Variants in DOCK2 observed in about 807,000 individuals in gnomAD.
DOCK2 encodes the protein dedicator of cytokinesis protein 2.
DOCK2 carries 87 observed loss-of-function variants against 248.9 expected under a neutral mutation model. That is an observed-to-expected ratio of 0.35 (90% CI 0.29 to 0.42). The LOEUF (loss-of-function observed/expected upper bound fraction) is 0.42. DOCK2 is among the 10% of genes least tolerant of loss of function. The pLI, the probability that DOCK2 is intolerant of heterozygous loss-of-function variation, is 1.00. For synonymous variants in DOCK2, 805 were observed against 821.6 expected (o/e 0.98, Z 0.35); for missense variants, 1,747 against 2,300.2 (o/e 0.76, Z 4.92).
In DOCK2 at chr5:170,030,388, CCT is replaced by C. The variant is rs574075110; in HGVS notation, c.3467+2445_3467+2446del. Reference sequence around the variant, plus strand: ...CCCCTGTGCCTGCTCCATCCTTTCACCTCTCTGAGTCTCAGTTTTCTTATCTG... The same window carrying C: ...CCCCTGTGCCTGCTCCATCCTTTCACCTCTGAGTCTCAGTTTTCTTATCTG... On this transcript the variant is annotated intron_variant, in intron 34 of 51. Coordinates refer to ENST00000520908, the MANE Select transcript of DOCK2 (RefSeq NM_004946.3). Among the ~76,000 whole-genome samples the C allele has an allele frequency of 4.1e-4, 62 of 152,320 alleles. 4 individuals carry two copies. The South Asian group carries it at 7.9e-3, about 19-fold the overall frequency.
rs75812033 is a variant in DOCK2, at chr5:169,811,221, G to A, written c.2703+8015G>A. ...CCACCCTGCCTGTCTACGCTTGGGC[G>A]CCTTCTTCTGAAGTGCATCCCCTGT... is the stretch of plus-strand genomic sequence containing the variant. On this transcript the variant is annotated intron_variant, in intron 26 of 51. Transcript: ENST00000520908. Among the ~76,000 whole-genome samples, 602 of 152,308 alleles carry A rather than the reference G, an allele frequency of 4.0e-3. 2 individuals are homozygous for A. The highest frequency in any genetic ancestry group is 0.014 in the African/African-American group (577 of 41,566).
chr5:170,002,411 A>T (rs1754870384), intron 30 of DOCK2, among the ~76,000 whole-genome samples: 1 of 152,248 alleles, frequency 6.6e-6, no homozygotes, highest in Non-Finnish European at 1.5e-5. Context: ...AGCCAAGTGC[A>T]GCAGACTTTT....
rs1382165200 is a variant in DOCK2, at chr5:170,080,559, G to C, written c.5287+276G>C. 10 of 424,808 alleles carry C rather than the reference G, an allele frequency of 2.4e-5. No homozygotes were observed. In the East Asian group the frequency reaches 3.2e-4, roughly 14 times the overall value. The allele number at this position is 424,808 out of a possible 1,614,324, so 26.3% of individuals were successfully genotyped here. A position where few individuals can be genotyped will look rare whatever the true frequency, so the allele number is the denominator to read the frequency against. On this transcript the variant is annotated intron_variant, in intron 50 of 51. Coordinates refer to ENST00000520908, the MANE Select transcript of DOCK2 (RefSeq NM_004946.3). ...CACTGAGCATCCATTTGTCACACTA[G>C]GTGGCCCCTTGTTCTCAGTTAGCCA...
chr5:169,954,482 C>A lies in DOCK2; in HGVS notation c.2800-28586C>A. Among the ~76,000 whole-genome samples, 2 of 152,206 alleles carry A rather than the reference C, an allele frequency of 1.3e-5. 1 individual carries two copies. The highest frequency in any genetic ancestry group is 2.9e-5 in the Non-Finnish European group (2 of 68,044). ...AGGTAAGGCAATAGATGAAGGCAGTCAGGCAGGGACCAGAAAGACCTCTTG... is the reference window on the plus strand; with the variant it reads ...AGGTAAGGCAATAGATGAAGGCAGTAAGGCAGGGACCAGAAAGACCTCTTG... On this transcript the variant is annotated intron_variant, in intron 27 of 51. Transcript: ENST00000520908.
In DOCK2 at chr5:169,747,492, C is replaced by T; in HGVS notation, c.2364C>T (p.Thr788=). ...TGATGAAAAGTCAATACAAAACTAC[C>T]ATCCTTTTGCAGGTTGGTTTATGCT... ...NNLMKSQYKT[T]ILLQVAALKY... The change falls in exon 23 of 52, where the codon ACC becomes ACT. Residue 788 remains threonine, a synonymous_variant. Transcript: ENST00000520908. The T allele has an allele frequency of 6.2e-7, 1 of 1,612,818 alleles. No individual in the cohort carries two copies. The highest frequency in any genetic ancestry group is 8.5e-7 in the Non-Finnish European group (1 of 1,179,494).
At position 170,065,386 on chromosome 5, in the gene DOCK2, T is replaced by C. The variant is rs914654150; in HGVS notation, c.4468-2124T>C. Among the ~76,000 whole-genome samples the C allele has an allele frequency of 5.3e-5, 8 of 152,176 alleles. No homozygotes were observed. The South Asian group carries it at 1.7e-3, about 32-fold the overall frequency. Reference sequence around the variant, plus strand: ...CCAGAAAACAATGAACAGAATGGCATTAGTAAGTCCTTACCTATCAGTAAT... The same window carrying C: ...CCAGAAAACAATGAACAGAATGGCACTAGTAAGTCCTTACCTATCAGTAAT... On this transcript the variant is annotated intron_variant, in intron 44 of 51. Coordinates refer to ENST00000520908, the MANE Select transcript of DOCK2 (RefSeq NM_004946.3).
At position 169,910,671 on chromosome 5, in the gene DOCK2, T is replaced by C. The variant is rs191474984; in HGVS notation, c.2799+69819T>C. 4.9e-4 allele frequency among the ~76,000 whole-genome samples: 75 copies of C among 152,308 alleles called. 1 individual carries two copies. The East Asian group carries it at 0.012, about 24-fold the overall frequency. On this transcript the variant is annotated intron_variant, in intron 27 of 51. Coordinates refer to ENST00000520908, the MANE Select transcript of DOCK2 (RefSeq NM_004946.3). ...GGCCACGGCAATGAAGTCCCCAAAA[T>C]GACCTGTTACATCTCTAGCTACAAG...
At chr5:169,662,936 C>A (rs186480143) in intron 2 of DOCK2, among the ~76,000 whole-genome samples, 1 of 152,306 alleles carries the variant, frequency 6.6e-6, no homozygotes, top group African/African-American at 2.4e-5. Flanking sequence ...AGTCTTAACT[C>A]ACTCCAGCAT....
At chr5:169,994,760 T>A (rs747001155) in intron 29 of DOCK2, among the ~76,000 whole-genome samples, 1 of 152,154 alleles carries the variant, frequency 6.6e-6, no homozygotes, top group Non-Finnish European at 1.5e-5. Context: ...GGTCCCATCA[T>A]GAGGGGAGAG....
intron 26 of DOCK2, among the ~76,000 whole-genome samples, chr5:169,812,677 C>T (rs994416999): frequency 6.6e-6 from 1 of 152,236 alleles, no homozygotes; most frequent in Non-Finnish European, 1.5e-5. Flanking sequence ...CAGCCTTATG[C>T]CTGGCAAATA....
chr5:169,709,477 G>T (rs1761456488), intron 15 of DOCK2, among the ~76,000 whole-genome samples: 1 of 152,208 alleles, frequency 6.6e-6, no homozygotes, highest in Non-Finnish European at 1.5e-5. Context: ...GAGGCAGGTG[G>T]ATGACCTGAG....
intron 26 of DOCK2, among the ~76,000 whole-genome samples, chr5:169,816,869 CAATT>C (rs1327163091): frequency 6.6e-6 from 1 of 152,156 alleles, no homozygotes; most frequent in Non-Finnish European, 1.5e-5. Flanking sequence ...TTAAATGTGA[CAATT>C]AAATTATTGA....
chr5:169,896,274 T>A (rs1299064546), intron 27 of DOCK2, among the ~76,000 whole-genome samples: 2 of 152,072 alleles, frequency 1.3e-5, no homozygotes, highest in Non-Finnish European at 2.9e-5. Context: ...GGGTTCAGAG[T>A]TTATCTGAAG....
At chr5:169,971,082 G>T (rs764655737) in intron 27 of DOCK2, among the ~76,000 whole-genome samples, 10 of 152,068 alleles carry the variant, frequency 6.6e-5, no homozygotes, top group Non-Finnish European at 1.5e-5. Context: ...AGCTAATGCG[G>T]ACTGCAGAGG....
rs1232854002 is a variant in DOCK2 at position 169,883,929 on chromosome 5, C to T, written c.2799+43077C>T. The T allele has an allele frequency of 2.7e-6, 4 of 1,459,946 alleles. No homozygotes were observed. The African/African-American group carries it at 4.3e-5, about 16-fold the overall frequency. The allele number at this position is 1,459,946 out of a possible 1,614,324, so 90.4% of individuals were successfully genotyped here. ...CTCAGTGGGAAGGATCAGGACCATA[C>T]ACTTCTCCTAGGCACATCTCCCCTT... On this transcript the variant is annotated intron_variant, in intron 27 of 51. Transcript: ENST00000520908.
At chr5:169,731,359 C>T (rs1458305941) in intron 22 of DOCK2, among the ~76,000 whole-genome samples, 1 of 152,138 alleles carries the variant, frequency 6.6e-6, no homozygotes, top group African/African-American at 2.4e-5. Flanking sequence ...GTGAATGAGT[C>T]TCATGAGATC....
intron 29 of DOCK2, among the ~76,000 whole-genome samples, chr5:169,990,283 G>C (rs1446528752): frequency 1.3e-5 from 2 of 152,026 alleles, no homozygotes; most frequent in Non-Finnish European, 2.9e-5. Flanking sequence ...ATTTTTAATA[G>C]AGACAGGGTT....
Position 170,050,195 on chromosome 5 carries a change from G to C in DOCK2, c.4072-61G>C, listed in dbSNP as rs1214335428. 1.7e-5 allele frequency: 27 copies of C among 1,589,368 alleles called. No individual in the cohort carries two copies. The East Asian group carries it at 6.0e-4, about 36-fold the overall frequency. On this transcript the variant is annotated intron_variant, in intron 40 of 51. Transcript: ENST00000520908. ...GTCATTTTACAAGCTCCCCAGCTTT[G>C]CTTGGCCCCTTTCTTCACACCTGGG...
chr5:170,054,645 G>A (rs1757050262), intron 41 of DOCK2, among the ~76,000 whole-genome samples: 1 of 152,204 alleles, frequency 6.6e-6, no homozygotes, highest in South Asian at 2.1e-4. Context: ...CTATAGCAGT[G>A]CTTCACAAAT....
Sources: allele counts gnomAD v4.1 joint callset (sites outside exome capture counted in the v4.1 genomes callset), GRCh38; gene constraint gnomAD v4.1.1; transcripts MANE v1.5; gene names NCBI Gene and HGNC (gene_info 2026-07-23, HGNC 2026-07-21).